Variants in NR3C2 observed in about 807,000 individuals in gnomAD.
NR3C2 encodes mineralocorticoid receptor.
Under a neutral mutation model 86.4 loss-of-function variants are expected in NR3C2, and 15 were observed. That is an observed-to-expected ratio of 0.17 (90% CI 0.12 to 0.27). The LOEUF is 0.27. Ranked by LOEUF, NR3C2 falls within the 10% of genes least tolerant of loss-of-function variation. The pLI is 1.00. For missense variants in NR3C2, 960 were observed against 1,195.6 expected (o/e 0.80, Z 2.91); for synonymous variants, 458 against 450.5 (o/e 1.02, Z -0.21).
chr4:148,154,829 G>A lies in NR3C2; in HGVS notation c.2087C>T (p.Pro696Leu), dbSNP rs368322580. 185 of 1,417,192 alleles carry A rather than the reference G, an allele frequency of 1.3e-4. No individual in the cohort carries two copies. The highest frequency in any genetic ancestry group is 1.4e-4 in the Non-Finnish European group (143 of 1,046,194). The allele number at this position is 1,417,192 out of a possible 1,614,324, so 87.8% of individuals were successfully genotyped here. The change falls in exon 5 of 9, where the codon CCC becomes CTC. Residue 696 changes from proline (P) to leucine (L), a missense_variant. By Grantham distance (98) the Pro-to-Leu change is moderately conservative. Coordinates refer to ENST00000358102, the MANE Select transcript of NR3C2 (RefSeq NM_000901.5). ...EEQPQQQQPP[P>L]PPPPPQSPEE... Reference sequence around the variant, plus strand: ...TGGGCTTTGCGGGGGTGGGGGTGGGGGTGGGGGCTGCTGCTGCTGTGGCTG... The same window carrying A: ...TGGGCTTTGCGGGGGTGGGGGTGGGAGTGGGGGCTGCTGCTGCTGTGGCTG...
At chr4:148,444,707 T>TACCC (rs1353412376), upstream of NR3C2, 3 of 984,968 alleles carry the variant, frequency 3.0e-6, no homozygotes, top group African/African-American at 5.3e-5. Context: ...ATAGTGCTGT[T>TACCC]ACCCTACAAG....
intron 1 of NR3C2, among the ~76,000 whole-genome samples, chr4:148,441,817 G>T (rs962262454): frequency 6.6e-6 from 1 of 152,208 alleles, no homozygotes; most frequent in African/African-American, 2.4e-5. Flanking sequence ...ATTGATAAAG[G>T]AAAGAAATAT....
At chr4:148,178,156 G>A (rs1274823125) in intron 4 of NR3C2, among the ~76,000 whole-genome samples, 1 of 152,000 alleles carries the variant, frequency 6.6e-6, no homozygotes, top group African/African-American at 2.4e-5. Flanking sequence ...TGGCAAACAT[G>A]GTGAAACCCT....
intron 6 of NR3C2, among the ~76,000 whole-genome samples, chr4:148,121,346 C>T (rs1367661016): frequency 6.6e-6 from 1 of 152,154 alleles, no homozygotes; most frequent in Non-Finnish European, 1.5e-5. Flanking sequence ...GAACCCATAA[C>T]GAAACACAGC....
chr4:148,207,485 CTCTT>C lies in NR3C2; in HGVS notation c.1898-12627_1898-12624del, dbSNP rs377459657. Among the ~76,000 whole-genome samples, 487 of 152,298 alleles carry C rather than the reference CTCTT, an allele frequency of 3.2e-3. 1 individual carries two copies. The highest frequency in any genetic ancestry group is 0.02 in the Middle Eastern group (6 of 294). On this transcript the variant is annotated intron_variant, in intron 3 of 8. Transcript: ENST00000358102. ...TCATTTGGCTAAATTTGTTTAAAAT[CTCTT>C]TCTATCTAAAAAATAGCTTAGTTCT...
Position 148,409,917 on chromosome 4 carries a change from T to C in NR3C2, c.1757+25187A>G, listed in dbSNP as rs192044451. Among the ~76,000 whole-genome samples the C allele has an allele frequency of 8.5e-5, 13 of 152,206 alleles. No individual in the cohort carries two copies. In the East Asian group the frequency reaches 2.5e-3, roughly 29 times the overall value. ...AAATTCCCCTACACATAATTGAAAATTGGATAATTTCCCTAAAATCACAAG... is the reference window on the plus strand; with the variant it reads ...AAATTCCCCTACACATAATTGAAAACTGGATAATTTCCCTAAAATCACAAG... On this transcript the variant is annotated intron_variant, in intron 2 of 8. Coordinates refer to ENST00000358102, the MANE Select transcript of NR3C2 (RefSeq NM_000901.5).
intron 2 of NR3C2, among the ~76,000 whole-genome samples, chr4:148,270,818 A>T (rs1379253941): frequency 6.6e-6 from 1 of 152,152 alleles, no homozygotes; most frequent in African/African-American, 2.4e-5. Flanking sequence ...CTGATGAATC[A>T]TTGCTGTACT....
chr4:148,409,794 A>G (rs1264373895), intron 2 of NR3C2, among the ~76,000 whole-genome samples: 1 of 152,130 alleles, frequency 6.6e-6, no homozygotes, highest in African/African-American at 2.4e-5. Context: ...CAATGTCCCA[A>G]AGTAGGTAAT....
intron 8 of NR3C2, among the ~76,000 whole-genome samples, chr4:148,113,607 G>A (rs553845056): frequency 6.6e-6 from 1 of 152,268 alleles, no homozygotes; most frequent in Middle Eastern, 3.4e-3. Context: ...GTGTATGGCA[G>A]ATGCACCTGA....
intron 2 of NR3C2, among the ~76,000 whole-genome samples, chr4:148,422,793 A>T (rs1472799922): frequency 1.3e-5 from 2 of 151,940 alleles, no homozygotes; most frequent in African/African-American, 4.8e-5. Context: ...TTTTTTCTGT[A>T]GTCTAATAAA....
upstream of NR3C2, chr4:148,443,068 C>G (rs1487094087): frequency 1.9e-5 from 14 of 737,784 alleles, no homozygotes; most frequent in Non-Finnish European, 2.2e-5. Flanking sequence ...CCCCTTTCCA[C>G]TGTCTCCAGA....
intron 1 of NR3C2, among the ~76,000 whole-genome samples, chr4:148,440,212 C>A (rs1456017645): frequency 3.3e-5 from 5 of 152,152 alleles, no homozygotes; most frequent in Non-Finnish European, 7.4e-5. Flanking sequence ...AGATATTTTT[C>A]AAATAGCATT....
chr4:148,358,937 T>C (rs986683407), intron 2 of NR3C2, among the ~76,000 whole-genome samples: 4 of 144,938 alleles, frequency 2.8e-5, no homozygotes, highest in Non-Finnish European at 6.0e-5. Flanking sequence ...GTGGATCACA[T>C]AAAATAAGCT....
intron 8 of NR3C2, among the ~76,000 whole-genome samples, chr4:148,099,196 A>G (rs1731426607): frequency 6.6e-6 from 1 of 152,232 alleles, no homozygotes; most frequent in African/African-American, 2.4e-5. Flanking sequence ...GTGCAAAATG[A>G]ACATAAGGGG....
chr4:148,293,332 G>C (rs1234098690), intron 2 of NR3C2, among the ~76,000 whole-genome samples: 1 of 152,140 alleles, frequency 6.6e-6, no homozygotes, highest in Non-Finnish European at 1.5e-5. Flanking sequence ...GTAGTCCTCA[G>C]ACTAAACTCA....
At chr4:148,274,574 C>T (rs185856074) in intron 2 of NR3C2, among the ~76,000 whole-genome samples, 3 of 152,198 alleles carry the variant, frequency 2.0e-5, no homozygotes, top group South Asian at 2.1e-4. Context: ...CCATGTAAGA[C>T]GTGCCTTGCT....
intron 2 of NR3C2, among the ~76,000 whole-genome samples, chr4:148,325,127 AGAGAGAAT>A (rs1207405948): frequency 7.9e-6 from 1 of 127,092 alleles, no homozygotes; most frequent in African/African-American, 3.7e-5. Context: ...AGAGAGAGGG[AGAGAGAAT>A]GAGAGAGAGA....
At chr4:148,396,325 T>A (rs9993239) in intron 2 of NR3C2, among the ~76,000 whole-genome samples, 15,749 of 152,196 alleles carry the variant, frequency 0.1, 977 homozygotes, top group Middle Eastern at 0.32. Flanking sequence ...TTGAAATAGT[T>A]GTGTTTTCCC....
intron 2 of NR3C2, among the ~76,000 whole-genome samples, chr4:148,292,085 T>A (rs1415650096): frequency 6.6e-6 from 1 of 152,136 alleles, no homozygotes; most frequent in Non-Finnish European, 1.5e-5. Flanking sequence ...TGAAATTCTG[T>A]AAATCAAGGA....
Sources: gnomAD v4.1 joint callset for allele counts (sites outside exome capture counted in the v4.1 genomes callset) on GRCh38, gnomAD v4.1.1 for gene constraint, MANE v1.5 for transcripts, NCBI Gene and HGNC (gene_info 2026-07-23, HGNC 2026-07-21) for gene names.